Variants in ADGRF4 observed in about 807,000 individuals in gnomAD.
ADGRF4 encodes the protein G-protein coupled receptor PGR18.
Under a neutral mutation model 58.5 loss-of-function variants are expected in ADGRF4, and 63 were observed. The ratio of observed to expected loss-of-function variants is 1.08; its 90% CI spans 0.88 to 1.33. ADGRF4 has a LOEUF of 1.33. Ranked by LOEUF, ADGRF4 falls within the 40% of genes most tolerant of loss-of-function variation. The probability of loss-of-function intolerance (pLI) is 0.00; values close to 1 mark genes in which losing one functional copy is unlikely to be tolerated. For synonymous variants in ADGRF4, 313 were observed against 295.4 expected, an observed-to-expected ratio of 1.06 and a Z score of -0.61; for missense variants, 931 against 843.9, an observed-to-expected ratio of 1.10 and a Z score of -1.28.
In ADGRF4 at chr6:47,707,298, C is replaced by G; in HGVS notation, c.53C>G (p.Ser18Cys). Residue 18 changes from serine to cysteine, a missense_variant, in exon 2 of 10, where the codon TCC (serine) becomes TGC (cysteine). Transcript: ENST00000283303. ...ATTTGCTGCTTAGTGTTCTTTCTGT[C>G]CACAGAATGTTCCCACTATAGATCC... ...TMICCLVFFLSTECSHYRSKI... is the reference protein window; with the variant it reads ...TMICCLVFFLCTECSHYRSKI... 3 of 1,612,672 alleles carry G rather than the reference C, an allele frequency of 1.9e-6. No individual in the cohort carries two copies. Among genetic ancestry groups the G allele is most frequent in the Non-Finnish European group, 2.5e-6 (3 of 1,178,686 alleles).
intron 6 of ADGRF4, 184 bp downstream of exon 6, chr6:47,715,361 G>A (rs1581698510): frequency 1.9e-6 from 1 of 534,598 alleles, no homozygotes; most frequent in Non-Finnish European, 3.3e-6. Flanking sequence ...GGGTGGTTGG[G>A]TGGAAATCTC....
chr6:47,717,359 T>C lies in ADGRF4; in HGVS notation c.2034+8T>C. The C allele has an allele frequency of 1.3e-6, 2 of 1,599,280 alleles. No homozygotes were observed. Among genetic ancestry groups the C allele is most frequent in the African/African-American group, 2.7e-5 (2 of 74,720 alleles). On this transcript the variant is annotated splice_region_variant and intron_variant, in intron 8 of 9. Coordinates refer to ENST00000283303, the MANE Select transcript of ADGRF4 (RefSeq NM_153838.5). ...AAATCGAGGGCAGCTGAGGTAAGCC[T>C]TCCCCTTTTAGTCTCAGCCCTGGAG...
At chr6:47,706,317 A>T (rs1771708627) in intron 1 of ADGRF4, among the ~76,000 whole-genome samples, 1 of 152,206 alleles carries the variant, frequency 6.6e-6, no homozygotes, top group Non-Finnish European at 1.5e-5. Flanking sequence ...CAAGAAACAG[A>T]GATATGGCAA....
intron 6 of ADGRF4, chr6:47,715,420 T>C: frequency 2.5e-6 from 1 of 400,578 alleles, no homozygotes. Context: ...AAAGTTTCAA[T>C]GTTAGAAGAA....
Position 47,707,213 on chromosome 6 carries a change from T to C in ADGRF4, c.-16-17T>C. On this transcript the variant is annotated splice_polypyrimidine_tract_variant and intron_variant, in intron 1 of 9. Transcript: ENST00000283303. ...GTTGTCACCTTCAGGTGGGTATGCC[T>C]TCTTTCTCTATTGCAGGTGAAGATC... is the stretch of plus-strand genomic sequence containing the variant. 7.0e-7 allele frequency: 1 copy of C among 1,428,648 alleles called. No homozygotes were observed. The allele number at this position is 1,428,648 out of a possible 1,614,324, so 88.5% of individuals were successfully genotyped here. A position where few individuals can be genotyped will look rare whatever the true frequency, so the allele number is the denominator to read the frequency against.
intron 3 of ADGRF4, among the ~76,000 whole-genome samples, chr6:47,708,487 C>T (rs1771779460): frequency 1.3e-5 from 2 of 152,200 alleles, no homozygotes; most frequent in Non-Finnish European, 2.9e-5. Context: ...AGCAAATATT[C>T]ACATGTGCTC....
At chr6:47,718,487 G>T (rs758065576) in intron 9 of ADGRF4, 42 bp downstream of exon 9, 1 of 1,172,954 alleles carries the variant, frequency 8.5e-7, no homozygotes, top group East Asian at 2.3e-5. Context: ...CTTGCAATTT[G>T]TGTCAATCCA....
chr6:47,708,835 T>G (rs559000357), intron 3 of ADGRF4, among the ~76,000 whole-genome samples: 170 of 152,326 alleles, frequency 1.1e-3, no homozygotes, highest in African/African-American at 3.6e-3. Flanking sequence ...GGCAAATACA[T>G]TCTTATATAG....
chr6:47,701,006 G>A (rs1026647149), intron 1 of ADGRF4, among the ~76,000 whole-genome samples: 1 of 152,114 alleles, frequency 6.6e-6, no homozygotes, highest in Non-Finnish European at 1.5e-5. Context: ...AGCACAAATT[G>A]TTGTGCTCTG....
intron 3 of ADGRF4, among the ~76,000 whole-genome samples, chr6:47,708,879 G>A (rs1771791239): frequency 6.6e-6 from 1 of 152,162 alleles, no homozygotes. Context: ...AGAGAGAAAG[G>A]TAACTAACAT....
At position 47,714,697 on chromosome 6, in the gene ADGRF4, CCT is replaced by C. The variant is rs1290684990; in HGVS notation, c.1459_1460del (p.Leu487ValfsTer21). On this transcript the variant is annotated frameshift_variant, in exon 6 of 10. Transcript: ENST00000283303. LOFTEE classifies it high-confidence loss of function. ...TGACATTTTTCAGCCACTTTTTCTACCTCTCTCTGTTTTTCTGGATGCTCTTC... is the reference window on the plus strand; with the variant it reads ...TGACATTTTTCAGCCACTTTTTCTACCTCTCTGTTTTTCTGGATGCTCTTC... ...AVTFFSHFFYLSLFFWMLFKA... is the reference protein window; with the variant it reads ...AVTFFSHFFYXSLFFWMLFKA... 1.7e-5 allele frequency: 28 copies of C among 1,613,960 alleles called. No homozygotes were observed. The highest frequency in any genetic ancestry group is 3.3e-5 in the Admixed American group (2 of 60,006).
At position 47,714,288 on chromosome 6, in the gene ADGRF4, A is replaced by C. The variant is rs1032725775; in HGVS notation, c.1043A>C (p.Gln348Pro). The change falls in exon 6 of 10, where the codon CAG (glutamine) becomes CCG (proline). Residue 348 changes from glutamine (Q) to proline (P), a missense_variant. Transcript: ENST00000283303. ...AATAAAACCCGCAATGCCAGAGCCCAGTGTGTTGGCTGGCACTCCAAGAAA... is the reference window on the plus strand; with the variant it reads ...AATAAAACCCGCAATGCCAGAGCCCCGTGTGTTGGCTGGCACTCCAAGAAA... The part of the protein sequence containing the change: ...KINKTRNARA[Q>P]CVGWHSKKRR... The C allele has an allele frequency of 6.2e-7, 1 of 1,614,204 alleles. No individual in the cohort carries two copies. The highest frequency in any genetic ancestry group is 1.1e-5 in the South Asian group (1 of 91,078).
At position 47,714,609 on chromosome 6, in the gene ADGRF4, T is replaced by A; in HGVS notation, c.1364T>A (p.Val455Glu). ...NIAVSLLTAN[V>E]WFIIGSHFNI... The stretch of plus-strand genomic sequence containing the variant: ...GCAGTGTCCCTTCTGACTGCCAATG[T>A]GTGGTTTATCATAGGCTCTCACTTT... Residue 455 changes from valine to glutamate, a missense_variant, in exon 6 of 10, where the codon GTG becomes GAG. By Grantham distance (121) the Val-to-Glu change is moderately radical. Coordinates refer to ENST00000283303, the MANE Select transcript of ADGRF4 (RefSeq NM_153838.5). 6.2e-7 allele frequency: 1 copy of A among 1,614,104 alleles called. No homozygotes were observed. Among genetic ancestry groups the A allele is most frequent in the Non-Finnish European group, 8.5e-7 (1 of 1,179,958 alleles).
chr6:47,702,645 C>T (rs117397350), intron 1 of ADGRF4, among the ~76,000 whole-genome samples: 3 of 152,248 alleles, frequency 2.0e-5, no homozygotes, highest in East Asian at 3.9e-4. Flanking sequence ...TTTGTTTCCC[C>T]TCACTGAGTA....
At chr6:47,713,474 G>A (rs1771919348) in intron 5 of ADGRF4, among the ~76,000 whole-genome samples, 1 of 152,166 alleles carries the variant, frequency 6.6e-6, no homozygotes, top group South Asian at 2.1e-4. Context: ...TGGATGACCA[G>A]AGAACATACC....
chr6:47,712,437 C>A lies in ADGRF4; in HGVS notation c.381C>A (p.Thr127=). The A allele has an allele frequency of 5.0e-6, 8 of 1,613,932 alleles. No homozygotes were observed. The Middle Eastern group carries it at 9.9e-4, about 200-fold the overall frequency. The change falls in exon 5 of 10, where the codon ACC becomes ACA. Residue 127 remains threonine, a synonymous_variant. Coordinates refer to ENST00000283303, the MANE Select transcript of ADGRF4 (RefSeq NM_153838.5). The stretch of plus-strand genomic sequence containing the variant: ...TTCTAGACTTTCGAGCTCCAGAGAC[C>A]ATTGAGAGTGTAGCTCAAGGAATCC... The part of the protein sequence containing the change: ...LHILDFRAPE[T]IESVAQGIRK...
chr6:47,716,960 A>G, intron 7 of ADGRF4, 113 bp downstream of exon 7: 2 of 756,744 alleles, frequency 2.6e-6, no homozygotes, highest in Non-Finnish European at 4.6e-6. Flanking sequence ...GTTTGTGAGG[A>G]TGGTTCAAGG....
rs1771519290 is a variant in ADGRF4 at position 47,698,736 on chromosome 6, T to G, written c.-75T>G. On this transcript the variant is annotated 5_prime_UTR_variant, in exon 1 of 10. Coordinates refer to ENST00000283303, the MANE Select transcript of ADGRF4 (RefSeq NM_153838.5). Reference sequence around the variant, plus strand: ...GGCATCATGCTAGGGAGCTGAGCTCTGACCTTCCTGCTGGGTGATTCTCCA... The same window carrying G: ...GGCATCATGCTAGGGAGCTGAGCTCGGACCTTCCTGCTGGGTGATTCTCCA... 1 of 152,294 alleles carries G rather than the reference T, an allele frequency of 6.6e-6. No homozygotes were observed. The highest frequency in any genetic ancestry group is 2.4e-5 in the African/African-American group (1 of 41,466). 9.4% of individuals were successfully genotyped at this position (152,294 alleles called of 1,614,324 possible). A position where few individuals can be genotyped will look rare whatever the true frequency, so the allele number is the denominator to read the frequency against.
chr6:47,713,321 G>C (rs1350902704), intron 5 of ADGRF4, among the ~76,000 whole-genome samples: 3 of 152,182 alleles, frequency 2.0e-5, no homozygotes, highest in African/African-American at 7.2e-5. Context: ...TAGCCCATCA[G>C]TTGTGGGAGG....
Sources: gnomAD v4.1 joint callset for allele counts (sites outside exome capture counted in the v4.1 genomes callset) on GRCh38, gnomAD v4.1.1 for gene constraint, MANE v1.5 for transcripts, NCBI Gene and HGNC (gene_info 2026-07-23, HGNC 2026-07-21) for gene names.